SLC24A4: variants seen among roughly 807,000 people sequenced by gnomAD.
SLC24A4 encodes the protein sodium/potassium/calcium exchanger 4.
SLC24A4 carries 53 observed loss-of-function variants against 79.0 expected under a neutral mutation model. The observed-to-expected ratio is 0.67, with a 90% confidence interval of 0.54 to 0.84. The LOEUF is 0.84. Ranked by LOEUF, SLC24A4 falls within the 40% of genes least tolerant of loss-of-function variation. The pLI is 0.00. For missense variants in SLC24A4, 731 were observed against 822.0 expected (o/e 0.89, Z 1.35); for synonymous variants, 323 against 323.8 (o/e 1.00, Z 0.03).
At chr14:92,378,632 A>T (rs541458130) in intron 2 of SLC24A4, among the ~76,000 whole-genome samples, 1 of 152,268 alleles carries the variant, frequency 6.6e-6, no homozygotes, top group Non-Finnish European at 1.5e-5. Context: ...GTGGACTGAC[A>T]GTGTCTCCTT....
intron 2 of SLC24A4, among the ~76,000 whole-genome samples, chr14:92,400,053 C>T (rs1289281215): frequency 1.3e-5 from 2 of 152,026 alleles, no homozygotes; most frequent in African/African-American, 4.8e-5. Flanking sequence ...CTGTGCCTAG[C>T]CAGGGCACAG....
chr14:92,430,960 C>T (rs967618352), intron 2 of SLC24A4, among the ~76,000 whole-genome samples: 4 of 152,208 alleles, frequency 2.6e-5, no homozygotes, highest in South Asian at 2.1e-4. Flanking sequence ...GCAAGCATCC[C>T]GCCCTTGAAC....
chr14:92,344,970 A>G (rs1454374781), intron 2 of SLC24A4, among the ~76,000 whole-genome samples: 1 of 152,180 alleles, frequency 6.6e-6, no homozygotes. Flanking sequence ...TAGACTTCAG[A>G]TTCTCTCTCT....
chr14:92,349,766 A>T (rs1886766930), intron 2 of SLC24A4, among the ~76,000 whole-genome samples: 1 of 152,218 alleles, frequency 6.6e-6, no homozygotes, highest in African/African-American at 2.4e-5. Flanking sequence ...TTCCAATAGG[A>T]GGGCATGCCA....
At chr14:92,358,412 G>A (rs1887300848) in intron 2 of SLC24A4, among the ~76,000 whole-genome samples, 1 of 152,098 alleles carries the variant, frequency 6.6e-6, no homozygotes, top group Non-Finnish European at 1.5e-5. Context: ...TCTATTATTT[G>A]CTGAACTACA....
At position 92,368,505 on chromosome 14, in the gene SLC24A4, A is replaced by G. The variant is rs537536936; in HGVS notation, c.241+42527A>G. ...AGCTGTTATTTAAACATCGAAGAAC[A>G]CAGGCTCACTGCTGAAGGTAATGGA... On this transcript the variant is annotated intron_variant, in intron 2 of 16. Transcript: ENST00000532405. 1.4e-4 allele frequency among the ~76,000 whole-genome samples: 21 copies of G among 152,354 alleles called. No homozygotes were observed. In the South Asian group the frequency reaches 2.9e-3, roughly 21 times the overall value.
chr14:92,426,079 G>A (rs4904912), intron 2 of SLC24A4, among the ~76,000 whole-genome samples: 63,546 of 151,990 alleles, frequency 0.42, 13,513 homozygotes, highest in Non-Finnish European at 0.44. Flanking sequence ...TCAGGGCAGG[G>A]AGAGAGGTGG....
At chr14:92,424,051 A>G (rs1263372011) in intron 2 of SLC24A4, among the ~76,000 whole-genome samples, 2 of 149,706 alleles carry the variant, frequency 1.3e-5, no homozygotes, top group Non-Finnish European at 3.0e-5. Context: ...TACCACTCCA[A>G]CCTCTGCCTT....
chr14:92,461,843 T>C (rs992500456), intron 12 of SLC24A4, among the ~76,000 whole-genome samples: 2 of 152,176 alleles, frequency 1.3e-5, no homozygotes, highest in African/African-American at 4.8e-5. Context: ...GAATGCTTAT[T>C]ATCTCCACTT....
chr14:92,460,857 C>T (rs4904917), intron 12 of SLC24A4, among the ~76,000 whole-genome samples: 74,200 of 152,058 alleles, frequency 0.49, 20,410 homozygotes, highest in Non-Finnish European at 0.62. Context: ...GGGTGGAGCC[C>T]GGCAGCATCA....
chr14:92,484,105 A>C, intron 13 of SLC24A4: 3 of 985,408 alleles, frequency 3.0e-6, no homozygotes, highest in Non-Finnish European at 3.6e-6. Context: ...GAGAATGAAA[A>C]GAGAGCCCAG....
At chr14:92,423,770 G>A (rs1251212355) in intron 2 of SLC24A4, among the ~76,000 whole-genome samples, 3 of 152,212 alleles carry the variant, frequency 2.0e-5, no homozygotes, top group African/African-American at 4.8e-5. Context: ...GGCTTCAGGT[G>A]TGCCCTGGGT....
intron 2 of SLC24A4, among the ~76,000 whole-genome samples, chr14:92,340,871 T>C (rs926932380): frequency 1.3e-5 from 2 of 152,142 alleles, no homozygotes; most frequent in African/African-American, 4.8e-5. Context: ...CCAGAGCAGA[T>C]GCATTTGTTC....
chr14:92,468,926 GTGTGTGTGTC>G (rs775709912), intron 12 of SLC24A4, among the ~76,000 whole-genome samples: 1,330 of 114,570 alleles, frequency 0.012, 10 homozygotes, highest in African/African-American at 0.02. Context: ...GTGTGTGTGT[GTGTGTGTGTC>G]ACTTAAAACT....
chr14:92,448,586 C>T (rs1388683951), intron 9 of SLC24A4, among the ~76,000 whole-genome samples: 1 of 152,206 alleles, frequency 6.6e-6, no homozygotes, highest in African/African-American at 2.4e-5. Flanking sequence ...GAGTGCCTTT[C>T]AGCGAGAGCC....
chr14:92,458,252 A>G (rs993259846), intron 12 of SLC24A4, among the ~76,000 whole-genome samples: 1 of 152,202 alleles, frequency 6.6e-6, no homozygotes, highest in Non-Finnish European at 1.5e-5. Context: ...CTTCACATTA[A>G]GAGCAGACTC....
chr14:92,451,404 C>T (rs937603598), intron 10 of SLC24A4: 1 of 152,344 alleles, frequency 6.6e-6, no homozygotes, highest in Non-Finnish European at 1.5e-5. Flanking sequence ...ACTGGGGAGG[C>T]CAGGGCTTTG....
At chr14:92,434,963 G>A (rs1015391770) in intron 3 of SLC24A4, among the ~76,000 whole-genome samples, 3 of 151,976 alleles carry the variant, frequency 2.0e-5, no homozygotes, top group African/African-American at 4.8e-5. Flanking sequence ...TAGTAGAGAC[G>A]GGGTTTAACC....
rs1566775832 is a variant in SLC24A4, at chr14:92,449,315, CACACACA to C, written c.880+100_880+106del. 245 of 1,330,162 alleles carry C rather than the reference CACACACA, an allele frequency of 1.8e-4. 3 individuals carry two copies. The highest frequency in any genetic ancestry group is 5.6e-4 in the Admixed American group (26 of 46,732). 82.4% of individuals were successfully genotyped at this position (1,330,162 alleles called of 1,614,324 possible). On this transcript the variant is annotated intron_variant, in intron 10 of 16. Coordinates refer to ENST00000532405, the MANE Select transcript of SLC24A4 (RefSeq NM_153646.4). ...ACACACACACACACACACACACACA[CACACACA>C]CCCTCTCACAATGTCCCCCCTCTAA...
Sources: gnomAD v4.1 joint callset for allele counts (sites outside exome capture counted in the v4.1 genomes callset) on GRCh38, gnomAD v4.1.1 for gene constraint, MANE v1.5 for transcripts, NCBI Gene and HGNC (gene_info 2026-07-23, HGNC 2026-07-21) for gene names.